Variants in RELN observed in about 807,000 individuals in gnomAD.
The protein encoded by RELN is reelin.
A neutral mutation model predicts 427.6 loss-of-function variants in RELN; 108 were observed. The observed-to-expected ratio is 0.25, with a 90% CI of 0.22 to 0.30. RELN has a LOEUF of 0.30. RELN is among the 10% of genes least tolerant of loss of function. The pLI is 1.00. For synonymous variants in RELN, 1,524 were observed against 1,513.4 expected, an observed-to-expected ratio of 1.01 and a Z score of -0.16; for missense variants, 3,715 against 4,302.8, an observed-to-expected ratio of 0.86 and a Z score of 3.82.
chr7:103,673,344 A>G (rs1330903519), intron 11 of RELN, among the ~76,000 whole-genome samples: 1 of 152,068 alleles, frequency 6.6e-6, no homozygotes, highest in Non-Finnish European at 1.5e-5. Context: ...TTAAGAGTTA[A>G]CCAAGATCTA....
chr7:103,472,967 C>T lies in RELN; in HGVS notation c.10287-59G>A, dbSNP rs142951997. The T allele has an allele frequency of 1.4e-3, 1,773 of 1,305,770 alleles. 18 individuals carry two copies. The African/African-American group carries it at 0.018, about 13-fold the overall frequency. 80.9% of individuals were successfully genotyped at this position (1,305,770 alleles called of 1,614,324 possible). On this transcript the variant is annotated intron_variant, in intron 64 of 64. Transcript: ENST00000428762. ...GAAAGGAAAAAGAGCATGTAAGTCCCATCATTGAACGTGCAATCTATTCTA... is the reference window on the plus strand; with the variant it reads ...GAAAGGAAAAAGAGCATGTAAGTCCTATCATTGAACGTGCAATCTATTCTA...
At position 103,710,091 on chromosome 7, in the gene RELN, A is replaced by G. The variant is rs189033852; in HGVS notation, c.806-9085T>C. On this transcript the variant is annotated intron_variant, in intron 8 of 64. Coordinates refer to ENST00000428762, the MANE Select transcript of RELN (RefSeq NM_005045.4). The stretch of plus-strand genomic sequence containing the variant: ...TTCAATTCCAACATGTTTGTCATAG[A>G]CAGAAGAGGATTTACCATGAAGCTG... Among the ~76,000 whole-genome samples the G allele has an allele frequency of 1.4e-4, 22 of 152,340 alleles. No individual in the cohort carries two copies. In the East Asian group the frequency reaches 4.0e-3, roughly 28 times the overall value.
At chr7:103,963,134 C>T (rs200646903) in intron 1 of RELN, among the ~76,000 whole-genome samples, 318 of 139,248 alleles carry the variant, frequency 2.3e-3, no homozygotes, top group Middle Eastern at 3.8e-3. Flanking sequence ...TTTTCGCCTT[C>T]TTTTTTTTTT....
In RELN at chr7:103,909,691, AT is replaced by A. The variant is rs1443735111; in HGVS notation, c.337+7383del. Among the ~76,000 whole-genome samples, 260 of 64,766 alleles carry A rather than the reference AT, an allele frequency of 4.0e-3. 75 individuals are homozygous for A. Among genetic ancestry groups the A allele is most frequent in the African/African-American group, 0.023 (250 of 10,850 alleles). The allele number at this position is 64,766 out of a possible 152,430, so 42.5% of individuals were successfully genotyped here. A position where few individuals can be genotyped will look rare whatever the true frequency, so the allele number is the denominator to read the frequency against. ...TATATATTAAATATATTTAATAAAT[AT>A]ATATATTTAATATATATAAATATAT... On this transcript the variant is annotated intron_variant, in intron 2 of 64. Coordinates refer to ENST00000428762, the MANE Select transcript of RELN (RefSeq NM_005045.4).
At position 103,682,140 on chromosome 7, in the gene RELN, T is replaced by C; in HGVS notation, c.1265A>G (p.Glu422Gly). 6.2e-7 allele frequency: 1 copy of C among 1,614,010 alleles called. No homozygotes were observed. The highest frequency in any genetic ancestry group is 8.5e-7 in the Non-Finnish European group (1 of 1,179,910). The change falls in exon 11 of 65, where the codon GAA becomes GGA. Residue 422 changes from glutamate to glycine, a missense_variant. Transcript: ENST00000428762. ...CCCTGTAGGCTGGCTCTCAAATTCT[T>C]CTGACCATTGCTCTTGAATATCTTC... ...STEDIQEQWS[E>G]EFESQPTGWD...
chr7:103,969,349 T>C (rs1796717673), intron 1 of RELN, among the ~76,000 whole-genome samples: 2 of 152,208 alleles, frequency 1.3e-5, no homozygotes, highest in South Asian at 2.1e-4. Flanking sequence ...CATAAAAATA[T>C]TTCCTAAAAA....
chr7:103,826,319 AATGTGTGTGT>A lies in RELN; in HGVS notation c.473+7208_473+7217del, dbSNP rs1200907942. Among the ~76,000 whole-genome samples the A allele has an allele frequency of 2.0e-4, 27 of 137,576 alleles. No individual in the cohort carries two copies. In the East Asian group the frequency reaches 2.4e-3, roughly 12 times the overall value. 90.3% of individuals were successfully genotyped at this position (137,576 alleles called of 152,430 possible). ...ACAGAAGCACAAAACAGACTAAGAC[AATGTGTGTGT>A]GTGTGTGTGTGTGTGTGTGTGTGTG... On this transcript the variant is annotated intron_variant, in intron 3 of 64. Coordinates refer to ENST00000428762, the MANE Select transcript of RELN (RefSeq NM_005045.4).
At chr7:103,550,466 G>C (rs2117151650) in intron 41 of RELN, among the ~76,000 whole-genome samples, 1 of 152,138 alleles carries the variant, frequency 6.6e-6, no homozygotes, top group Middle Eastern at 3.4e-3. Flanking sequence ...TATCAGTTTT[G>C]TTTTTTGAAA....
intron 1 of RELN, among the ~76,000 whole-genome samples, chr7:103,964,751 T>C (rs1420310612): frequency 6.6e-6 from 1 of 152,246 alleles, no homozygotes; most frequent in Non-Finnish European, 1.5e-5. Context: ...CCCCAAGACA[T>C]TGTCAAATAC....
At chr7:103,862,516 C>G (rs1366632366) in intron 2 of RELN, among the ~76,000 whole-genome samples, 1 of 151,842 alleles carries the variant, frequency 6.6e-6, no homozygotes, top group Non-Finnish European at 1.5e-5. Context: ...GTTCTTCCCA[C>G]CCCTGTCTCT....
chr7:103,932,855 G>A (rs1795895057), intron 1 of RELN, among the ~76,000 whole-genome samples: 1 of 152,196 alleles, frequency 6.6e-6, no homozygotes, highest in African/African-American at 2.4e-5. Flanking sequence ...TTCCAGCAGT[G>A]CACACGGGCA....
intron 7 of RELN, among the ~76,000 whole-genome samples, chr7:103,724,785 C>T (rs544094235): frequency 2.7e-5 from 4 of 150,392 alleles, no homozygotes; most frequent in Admixed American, 2.0e-4. Flanking sequence ...AAAATATCAG[C>T]TACAAGAAAG....
chr7:103,606,387 G>C (rs967025644), intron 22 of RELN, among the ~76,000 whole-genome samples: 1 of 152,156 alleles, frequency 6.6e-6, no homozygotes, highest in Non-Finnish European at 1.5e-5. Flanking sequence ...ACTAGTAGTT[G>C]GGGGACAAGG....
Position 103,604,469 on chromosome 7 carries a change from C to A in RELN, c.3023G>T (p.Arg1008Leu). The A allele has an allele frequency of 5.0e-6, 8 of 1,613,880 alleles. No individual in the cohort carries two copies. Among genetic ancestry groups the A allele is most frequent in the Non-Finnish European group, 6.8e-6 (8 of 1,179,846 alleles). ...LPQKTWSSATRFRWSQSYYTA... is the reference protein window; with the variant it reads ...LPQKTWSSATLFRWSQSYYTA... ...GTAATAGCTCTGGCTCCAGCGGAAA[C>A]GGGTAGCACTGGACCTAGAAACACG... Residue 1008 changes from arginine (R) to leucine (L), a missense_variant, in exon 23 of 65, where the codon CGT (arginine) becomes CTT (leucine). By Grantham distance (102) the Arg-to-Leu change is moderately radical (BLOSUM62 -2). This residue lies in a region of RELN where 2,208 missense variants were observed against 2,361.7 expected (regional missense o/e 0.93). Transcript: ENST00000428762.
chr7:103,660,955 C>T lies in RELN; in HGVS notation c.1441+421G>A, dbSNP rs562299061. Reference sequence around the variant, plus strand: ...TAGAGAGTATTATTAAAGTATTAACCTAAATTTCTCAGCTTCCTACTACAA... The same window carrying T: ...TAGAGAGTATTATTAAAGTATTAACTTAAATTTCTCAGCTTCCTACTACAA... On this transcript the variant is annotated intron_variant, in intron 12 of 64. Transcript: ENST00000428762. Among the ~76,000 whole-genome samples, 8 of 152,178 alleles carry T rather than the reference C, an allele frequency of 5.3e-5. No homozygotes were observed. The East Asian group carries it at 1.5e-3, about 29-fold the overall frequency.
At chr7:103,633,573 C>A (rs1584362262) in intron 19 of RELN, among the ~76,000 whole-genome samples, 1 of 151,984 alleles carries the variant, frequency 6.6e-6, no homozygotes, top group African/African-American at 2.4e-5. Flanking sequence ...TCAAGCCATG[C>A]ACATATCTAA....
At chr7:103,814,119 C>G (rs1366661415) in intron 3 of RELN, among the ~76,000 whole-genome samples, 7 of 152,268 alleles carry the variant, frequency 4.6e-5, no homozygotes, top group Admixed American at 6.5e-5. Context: ...GCACTTATTA[C>G]TCTATGAACT....
intron 4 of RELN, among the ~76,000 whole-genome samples, chr7:103,757,747 G>A (rs1287973396): frequency 6.6e-6 from 1 of 152,108 alleles, no homozygotes; most frequent in East Asian, 1.9e-4. Context: ...CACTAGGGAT[G>A]GGAACCCTGC....
intron 1 of RELN, among the ~76,000 whole-genome samples, chr7:103,973,780 T>C (rs926543281): frequency 6.6e-6 from 1 of 152,204 alleles, no homozygotes; most frequent in African/African-American, 2.4e-5. Flanking sequence ...TTCCTAAGAC[T>C]ATAAATAGAT....
Sources: allele counts gnomAD v4.1 joint callset (sites outside exome capture counted in the v4.1 genomes callset), GRCh38; gene constraint gnomAD v4.1.1; regional missense constraint gnomAD v4.1.1; transcripts MANE v1.5; gene names NCBI Gene and HGNC (gene_info 2026-07-23, HGNC 2026-07-21).